ADAMTS5: variants seen among roughly 807,000 people sequenced by gnomAD.
ADAMTS5 encodes A disintegrin and metalloproteinase with thrombospondin motifs 5.
ADAMTS5 carries 54 observed loss-of-function variants against 81.4 expected under a neutral mutation model. The observed-to-expected ratio is 0.66, with a 90% CI of 0.53 to 0.83. The LOEUF is 0.83. Among genes scored for constraint, ADAMTS5 ranks in the 40% least tolerant of loss-of-function variants. The pLI is 0.00. For missense variants in ADAMTS5, 1,194 were observed against 1,229.9 expected (o/e 0.97, Z 0.44); for synonymous variants, 532 against 508.8 (o/e 1.05, Z -0.61).
In ADAMTS5 at chr21:26,923,066, G is replaced by A. The variant is rs187477249; in HGVS notation, c.*987C>T. ...TAGGAGGTATACCAGTGTTGAATGTGTTGGACATGATAGAAAACTTGCTGT... is the reference window on the plus strand; with the variant it reads ...TAGGAGGTATACCAGTGTTGAATGTATTGGACATGATAGAAAACTTGCTGT... On this transcript the variant is annotated 3_prime_UTR_variant, in exon 8 of 8. Coordinates refer to ENST00000284987, the MANE Select transcript of ADAMTS5 (RefSeq NM_007038.5). 1 of 152,312 alleles carries A rather than the reference G, an allele frequency of 6.6e-6. No homozygotes were observed. The highest frequency in any genetic ancestry group is 6.5e-5 in the Admixed American group (1 of 15,306). The allele number at this position is 152,312 out of a possible 1,614,324, so 9.4% of individuals were successfully genotyped here.
intron 7 of ADAMTS5, among the ~76,000 whole-genome samples, chr21:26,929,118 A>C (rs1245976179): frequency 1.3e-5 from 2 of 152,208 alleles, no homozygotes; most frequent in Admixed American, 1.3e-4. Flanking sequence ...ATTTTAATAA[A>C]TCCTATTGTT....
intron 6 of ADAMTS5, among the ~76,000 whole-genome samples, chr21:26,930,784 G>A (rs182724084): frequency 3.3e-5 from 5 of 152,056 alleles, no homozygotes; most frequent in African/African-American, 7.2e-5. Flanking sequence ...TTATATTTAT[G>A]TATATAGAAA....
At chr21:26,947,990 A>G (rs1441918651) in intron 2 of ADAMTS5, among the ~76,000 whole-genome samples, 1 of 152,218 alleles carries the variant, frequency 6.6e-6, no homozygotes, top group Non-Finnish European at 1.5e-5. Context: ...ACAAATCGTC[A>G]CCTGATAACT....
intron 6 of ADAMTS5, among the ~76,000 whole-genome samples, chr21:26,931,659 A>T (rs1986909697): frequency 1.3e-5 from 2 of 152,184 alleles, no homozygotes; most frequent in Non-Finnish European, 2.9e-5. Context: ...TTCTTGCTTT[A>T]TGGTCTCCTT....
intron 3 of ADAMTS5, among the ~76,000 whole-genome samples, chr21:26,937,377 T>C (rs544960473): frequency 6.6e-6 from 1 of 152,380 alleles, no homozygotes; most frequent in Admixed American, 6.5e-5. Context: ...GATGATCTTC[T>C]CTTGCTTAAA....
At position 26,924,669 on chromosome 21, in the gene ADAMTS5, G is replaced by A. The variant is rs1423184078; in HGVS notation, c.2226-49C>T. ...AAGTGGGGGAAGGTGGTTAAAAAAA[G>A]GGAGAAAAAAATGAGTAAACACTTA... On this transcript the variant is annotated intron_variant, in intron 7 of 7. Transcript: ENST00000284987. The A allele has an allele frequency of 1.2e-5, 18 of 1,461,744 alleles. No homozygotes were observed. The Admixed American group carries it at 2.0e-4, about 16-fold the overall frequency. 90.5% of individuals were successfully genotyped at this position (1,461,744 alleles called of 1,614,324 possible).
intron 3 of ADAMTS5, among the ~76,000 whole-genome samples, chr21:26,940,138 C>T (rs898333647): frequency 6.6e-6 from 1 of 152,076 alleles, no homozygotes; most frequent in African/African-American, 2.4e-5. Flanking sequence ...AAATCAAATG[C>T]TTTGAATTTA....
chr21:26,965,837 C>A lies in ADAMTS5; in HGVS notation c.555G>T (p.Gly185=), dbSNP rs528184521. ...TGTAGACGTGCAGGATCCGTGCGGA[C>A]CCATCCCCGTACACGCGCCCCTTTT... ...EEEKGRVYGD[G]SARILHVYTR... Residue 185 remains glycine (G), a synonymous_variant, in exon 1 of 8, where the codon GGG becomes GGT. Transcript: ENST00000284987. 1 of 1,611,850 alleles carries A rather than the reference C, an allele frequency of 6.2e-7. No individual in the cohort carries two copies. Among genetic ancestry groups the A allele is most frequent in the African/African-American group, 1.3e-5 (1 of 75,036 alleles).
At chr21:26,963,507 C>A (rs933060324) in intron 1 of ADAMTS5, among the ~76,000 whole-genome samples, 6 of 151,318 alleles carry the variant, frequency 4.0e-5, no homozygotes, top group Non-Finnish European at 8.8e-5. Context: ...CACTCCTTGG[C>A]GCAGTATGCT....
chr21:26,940,365 T>A (rs1450994654), intron 3 of ADAMTS5, among the ~76,000 whole-genome samples: 1 of 152,208 alleles, frequency 6.6e-6, no homozygotes, highest in African/African-American at 2.4e-5. Flanking sequence ...TGAAAGTCAT[T>A]TTTTTCTGTG....
At position 26,966,875 on chromosome 21, in the gene ADAMTS5, T is replaced by A. The variant is rs1987697806; in HGVS notation, c.-484A>T. Among the ~76,000 whole-genome samples, 1 of 152,068 alleles carries A rather than the reference T, an allele frequency of 6.6e-6. No homozygotes were observed. The highest frequency in any genetic ancestry group is 1.5e-5 in the Non-Finnish European group (1 of 68,008). On this transcript the variant is annotated 5_prime_UTR_variant, in exon 1 of 8. Coordinates refer to ENST00000284987, the MANE Select transcript of ADAMTS5 (RefSeq NM_007038.5). ...TCCAAGCTCCGGGGCCCACTTCCTT[T>A]CTTATTTTGTGGGTTTCCTTGGCTC...
chr21:26,949,904 C>T (rs565573162), intron 2 of ADAMTS5, among the ~76,000 whole-genome samples: 3 of 152,290 alleles, frequency 2.0e-5, no homozygotes, highest in African/African-American at 7.2e-5. Context: ...TGGATTTGGT[C>T]TGTGGTGTTT....
chr21:26,966,087 A>G lies in ADAMTS5; in HGVS notation c.305T>C (p.Leu102Pro), dbSNP rs779690520. ...YAGGRRFLLD[L>P]ERDGSVGIAG... ...AATGCCCACCGAACCATCTCGCTCC[A>G]GGTCCAAGAGGAACCTCCGGCCGCC... The change falls in exon 1 of 8, where the codon CTG (leucine) becomes CCG (proline). Residue 102 changes from leucine to proline, a missense_variant. Leu to Pro is a moderately conservative substitution (Grantham distance 98). Around this residue, in one of 2 missense-constraint regions of ADAMTS5, gnomAD observed 498 missense variants for 412.3 expected, o/e 1.21. Transcript: ENST00000284987. The G allele has an allele frequency of 2.5e-6, 4 of 1,612,924 alleles. No individual in the cohort carries two copies. In the Admixed American group the frequency reaches 6.7e-5, roughly 27 times the overall value.
intron 2 of ADAMTS5, among the ~76,000 whole-genome samples, chr21:26,949,374 CTTAT>C (rs1042616987): frequency 6.6e-6 from 1 of 151,736 alleles, no homozygotes; most frequent in Non-Finnish European, 1.5e-5. Flanking sequence ...TTATTTATTA[CTTAT>C]TTATTTATTT....
rs74876532 is a variant in ADAMTS5 at position 26,964,469 on chromosome 21, C to G, written c.1104+819G>C. 8.5e-3 allele frequency among the ~76,000 whole-genome samples: 1,289 copies of G among 152,330 alleles called. 17 individuals are homozygous for G. Among genetic ancestry groups the G allele is most frequent in the African/African-American group, 0.029 (1,216 of 41,576 alleles). On this transcript the variant is annotated intron_variant, in intron 1 of 7. Transcript: ENST00000284987. ...ATTTCTTCCTTCTGTCTTGACTCTTCGCCCAGATCTTCTGCACTGGGGCTT... is the reference window on the plus strand; with the variant it reads ...ATTTCTTCCTTCTGTCTTGACTCTTGGCCCAGATCTTCTGCACTGGGGCTT...
In ADAMTS5 at chr21:26,924,038, G is replaced by T. The variant is rs777370374; in HGVS notation, c.*15C>A. ...ATCCTCCAGTTATCTTTGTGCATAA[G>T]ATCATAACCACAGGCTAACATTTCT... On this transcript the variant is annotated 3_prime_UTR_variant, in exon 8 of 8. Coordinates refer to ENST00000284987, the MANE Select transcript of ADAMTS5 (RefSeq NM_007038.5). The T allele has an allele frequency of 1.9e-6, 3 of 1,575,966 alleles. No homozygotes were observed. Among genetic ancestry groups the T allele is most frequent in the South Asian group, 1.2e-5 (1 of 86,164 alleles).
intron 1 of ADAMTS5, among the ~76,000 whole-genome samples, chr21:26,964,875 A>T (rs1410618263): frequency 6.6e-6 from 1 of 152,232 alleles, no homozygotes; most frequent in Admixed American, 6.5e-5. Flanking sequence ...AGCCCTTTCC[A>T]TTAGGTGGGA....
At chr21:26,932,704 A>G (rs1978285693) in intron 5 of ADAMTS5, among the ~76,000 whole-genome samples, 157 bp downstream of exon 5, 2 of 137,008 alleles carry the variant, frequency 1.5e-5, no homozygotes. Flanking sequence ...CCATCTCAAA[A>G]AAAAACAAAC....
chr21:26,965,139 T>C, intron 1 of ADAMTS5, 149 bp downstream of exon 1: 1 of 1,242,044 alleles, frequency 8.1e-7, no homozygotes, highest in Non-Finnish European at 1.1e-6. Context: ...AGGAGCAGAG[T>C]TGAAGGCTGG....
Sources: gnomAD v4.1 joint callset for allele counts (sites outside exome capture counted in the v4.1 genomes callset) on GRCh38, gnomAD v4.1.1 for gene constraint, gnomAD v4.1.1 regional missense constraint, MANE v1.5 for transcripts, NCBI Gene and HGNC (gene_info 2026-07-23, HGNC 2026-07-21) for gene names.